P4HA3: variants seen among roughly 807,000 people sequenced by gnomAD.
P4HA3 encodes prolyl 4-hydroxylase subunit alpha-3.
A neutral mutation model predicts 66.7 loss-of-function variants in P4HA3; 60 were observed. That is an observed-to-expected ratio of 0.90 (90% confidence interval 0.73 to 1.12). The LOEUF (loss-of-function observed/expected upper bound fraction) is 1.12. Ranked by LOEUF, P4HA3 falls within the 50% of genes most tolerant of loss-of-function variation. The pLI is 0.00. For synonymous variants in P4HA3, 263 were observed against 274.6 expected, an observed-to-expected ratio of 0.96 and a Z score of 0.42; for missense variants, 683 against 685.8, an observed-to-expected ratio of 1.00 and a Z score of 0.05.
At chr11:74,287,430 A>C in intron 5 of P4HA3, 49 of 909,012 alleles carry the variant, frequency 5.4e-5, no homozygotes, top group Non-Finnish European at 7.2e-5. Context: ...TGGGAATCTC[A>C]ACTTGCCATG....
intron 8 of P4HA3, among the ~76,000 whole-genome samples, chr11:74,279,009 TG>T (rs1343438928): frequency 2.0e-5 from 3 of 152,208 alleles, no homozygotes; most frequent in African/African-American, 7.2e-5. Flanking sequence ...GTCTCATTCT[TG>T]GCAAGTCATG....
intron 14 of P4HA3, among the ~76,000 whole-genome samples, chr11:74,260,426 TAGAACCCCAGAATCTGGAG>T (rs1334927754): frequency 6.6e-6 from 1 of 152,156 alleles, no homozygotes; most frequent in African/African-American, 2.4e-5. Flanking sequence ...ACAGAGATTC[TAGAACCCCAGAATCTGGAG>T]AGAATTGTGA....
intron 12 of P4HA3, 114 bp downstream of exon 12, chr11:74,268,031 G>A (rs1860048868): frequency 2.3e-6 from 2 of 860,798 alleles, no homozygotes; most frequent in East Asian, 2.5e-5. Flanking sequence ...ATATAATGTG[G>A]CACTGTAATG....
At chr11:74,253,565 C>A in intron 15 of P4HA3, 1 of 1,549,998 alleles carries the variant, frequency 6.5e-7, no homozygotes, top group Non-Finnish European at 8.9e-7. Flanking sequence ...TACGTCGCAC[C>A]AGAGGCCACT....
intron 15 of P4HA3, among the ~76,000 whole-genome samples, chr11:74,252,239 G>GTTT (rs974162487): frequency 9.8e-5 from 11 of 112,344 alleles, no homozygotes; most frequent in East Asian, 2.7e-4. Context: ...GGCTAATTTT[G>GTTT]TTTTTTTTTT....
intron 5 of P4HA3, 52 bp from the exon 6 acceptor site, chr11:74,286,443 C>T (rs1233092078): frequency 6.2e-6 from 9 of 1,461,990 alleles, no homozygotes; most frequent in Non-Finnish European, 8.2e-6. Flanking sequence ...AAATACTGGC[C>T]CCAGGGAGTG....
intron 15 of P4HA3, among the ~76,000 whole-genome samples, chr11:74,255,789 C>T (rs187789677): frequency 4.6e-5 from 7 of 152,310 alleles, no homozygotes; most frequent in Admixed American, 4.6e-4. Flanking sequence ...CAGAACTGAT[C>T]TGCATTTTAA....
chr11:74,291,950 C>T (rs1396402259), intron 4 of P4HA3, among the ~76,000 whole-genome samples: 1 of 152,148 alleles, frequency 6.6e-6, no homozygotes, highest in African/African-American at 2.4e-5. Context: ...CAGGATGATG[C>T]TGGCCTCATA....
intron 2 of P4HA3, 143 bp downstream of exon 2, chr11:74,304,127 G>T: frequency 9.2e-7 from 1 of 1,085,044 alleles, no homozygotes; most frequent in Non-Finnish European, 1.3e-6. Flanking sequence ...CTAATTCTTT[G>T]TGCTAGCTAG....
chr11:74,264,750 T>G (rs1261261492), downstream of P4HA3, among the ~76,000 whole-genome samples: 1 of 152,238 alleles, frequency 6.6e-6, no homozygotes, highest in East Asian at 1.9e-4. Context: ...ATTTTCACAT[T>G]GTGCTTCAAT....
intron 3 of P4HA3, among the ~76,000 whole-genome samples, chr11:74,300,327 C>A (rs1861366456): frequency 6.6e-6 from 1 of 152,162 alleles, no homozygotes; most frequent in South Asian, 2.1e-4. Context: ...TGGAATTAGA[C>A]AATTAAGAAT....
At position 74,304,405 on chromosome 11, in the gene P4HA3, C is replaced by A; in HGVS notation, c.208G>T (p.Asp70Tyr). 6.2e-7 allele frequency: 1 copy of A among 1,613,962 alleles called. No homozygotes were observed. Among genetic ancestry groups the A allele is most frequent in the Non-Finnish European group, 8.5e-7 (1 of 1,179,952 alleles). ...TCCTCATGCAAAGAAAGTACCTTGT[C>A]GTAGAATCTGAAAGAAAGGAGTAGA... The part of the protein sequence containing the change: ...ARLRDLTRFY[D>Y]KVLSLHEDST... Residue 70 changes from aspartate to tyrosine, a missense_variant, in exon 2 of 13, where the codon GAC becomes TAC. Coordinates refer to ENST00000331597, the MANE Select transcript of P4HA3 (RefSeq NM_182904.5).
At chr11:74,291,288 C>T (rs946345338) in intron 4 of P4HA3, among the ~76,000 whole-genome samples, 3 of 152,102 alleles carry the variant, frequency 2.0e-5, no homozygotes, top group African/African-American at 7.2e-5. Flanking sequence ...TTTCTGTACA[C>T]TGATTTTGTA....
rs1591096052 is a variant in P4HA3, at chr11:74,274,611, C to A, written c.1336-1004G>T. ...TACAGGCATGAGCCACCGTGCCCAG[C>A]CCCAATTCTTGGTTATTACAAATAA... On this transcript the variant is annotated intron_variant, in intron 9 of 12. Coordinates refer to ENST00000331597, the MANE Select transcript of P4HA3 (RefSeq NM_182904.5). 2.6e-5 allele frequency among the ~76,000 whole-genome samples: 4 copies of A among 152,096 alleles called. No individual in the cohort carries two copies. The East Asian group carries it at 7.7e-4, about 29-fold the overall frequency.
At chr11:74,309,394 T>C (rs941418198) in intron 1 of P4HA3, among the ~76,000 whole-genome samples, 3 of 152,180 alleles carry the variant, frequency 2.0e-5, no homozygotes, top group Non-Finnish European at 4.4e-5. Context: ...CATGGTGGAA[T>C]GGGGTTGGCC....
chr11:74,304,104 T>C (rs887019371), intron 2 of P4HA3, among the ~76,000 whole-genome samples, 166 bp downstream of exon 2: 3 of 152,176 alleles, frequency 2.0e-5, no homozygotes, highest in Non-Finnish European at 4.4e-5. Context: ...TATAAACTGA[T>C]TAGCAAGCGG....
intron 5 of P4HA3, among the ~76,000 whole-genome samples, chr11:74,287,721 A>G (rs574402499): frequency 2.0e-5 from 3 of 152,374 alleles, no homozygotes; most frequent in African/African-American, 7.2e-5. Context: ...GTGATTTTGT[A>G]TCTCATTGTA....
chr11:74,282,143 C>CA (rs1373013900), intron 7 of P4HA3, among the ~76,000 whole-genome samples: 92 of 142,742 alleles, frequency 6.4e-4, no homozygotes, highest in East Asian at 1.7e-3. Context: ...AAAAAAAAAA[C>CA]AAAAAAAAAC....
chr11:74,258,933 G>T (rs889031655), intron 15 of P4HA3, among the ~76,000 whole-genome samples: 1 of 152,194 alleles, frequency 6.6e-6, no homozygotes, highest in Admixed American at 6.5e-5. Context: ...AGAAGATAAG[G>T]GGATTCATTC....
Sources: allele counts gnomAD v4.1 joint callset (sites outside exome capture counted in the v4.1 genomes callset), GRCh38; gene constraint gnomAD v4.1.1; transcripts MANE v1.5; gene names NCBI Gene and HGNC (gene_info 2026-07-23, HGNC 2026-07-21).